Variants in EXOC3L4 observed in about 807,000 individuals in gnomAD.
The protein encoded by EXOC3L4 is exocyst complex component 3-like protein 4.
Under a neutral mutation model 69.7 loss-of-function variants are expected in EXOC3L4, and 62 were observed. The observed-to-expected ratio is 0.89, with a 90% CI of 0.72 to 1.10. The LOEUF is 1.10. Among genes scored for constraint, EXOC3L4 ranks in the 50% least tolerant of loss-of-function variants. The pLI is 0.00. For synonymous variants in EXOC3L4, 502 were observed against 464.2 expected, an observed-to-expected ratio of 1.08 and a Z score of -1.05; for missense variants, 1,087 against 1,034.8, an observed-to-expected ratio of 1.05 and a Z score of -0.69.
rs1889943065 is a variant in EXOC3L4 at position 103,097,425 on chromosome 14, G to C, written c.-17+2585G>C. Among the ~76,000 whole-genome samples the C allele has an allele frequency of 1.3e-5, 2 of 152,298 alleles. No homozygotes were observed. Among genetic ancestry groups the C allele is most frequent in the South Asian group, 4.1e-4 (2 of 4,830 alleles). ...AGAGAGCCAGAGAGAGTCCATGGGG[G>C]TGTGGGGAGGCAGGCACAGGGACAG... On this transcript the variant is annotated intron_variant, in intron 1 of 11. Coordinates refer to ENST00000688303, the MANE Select transcript of EXOC3L4 (RefSeq NM_001077594.2). This position sits in a 1 kb window ranked among gnomAD's most constrained non-coding sequence, Gnocchi z 4.9.
chr14:103,108,799 G>A (rs1042748433), intron 11 of EXOC3L4, among the ~76,000 whole-genome samples: 12 of 152,148 alleles, frequency 7.9e-5, no homozygotes, highest in Admixed American at 7.2e-4. Context: ...TGGGGAGAAA[G>A]CCCTCTCTGA....
intron 4 of EXOC3L4, 30 bp from the exon 5 acceptor site, chr14:103,104,237 C>G: frequency 1.3e-6 from 2 of 1,541,080 alleles, no homozygotes; most frequent in Non-Finnish European, 1.7e-6. Context: ...CTGGGAGGGT[C>G]TCACCACGGC....
Position 103,100,495 on chromosome 14 carries a change from TGAC to T in EXOC3L4, c.278_280del (p.Asp93del). The T allele has an allele frequency of 6.2e-7, 1 of 1,613,248 alleles. No homozygotes were observed. The highest frequency in any genetic ancestry group is 1.1e-5 in the South Asian group (1 of 90,994). The stretch of plus-strand genomic sequence containing the variant: ...TCCGGTCCTTCCGGCAAGCCCTGAA[TGAC>T]GGCCCAGCTACCGGCCATTCCCAGG... On this transcript the variant is annotated inframe_deletion, in exon 2 of 12. Transcript: ENST00000688303.
intron 1 of EXOC3L4, 156 bp from the exon 2 acceptor site, chr14:103,100,048 G>A (rs1007769571): frequency 3.0e-5 from 24 of 789,844 alleles, no homozygotes; most frequent in East Asian, 1.9e-4. Context: ...GAGGGCTCTC[G>A]CCAAGAGAGT....
At chr14:103,100,143 CCCCACA>C (rs1890088532) in intron 1 of EXOC3L4, 55 bp from the exon 2 acceptor site, 1 of 1,446,170 alleles carries the variant, frequency 6.9e-7, no homozygotes, top group African/African-American at 1.4e-5. Context: ...TGTGGCCAGG[CCCCACA>C]GGGCCACAAC....
At position 103,107,539 on chromosome 14, in the gene EXOC3L4, C is replaced by T. The variant is rs1379725199; in HGVS notation, c.1697C>T (p.Ala566Val). The T allele has an allele frequency of 6.2e-7, 1 of 1,613,566 alleles. No homozygotes were observed. The highest frequency in any genetic ancestry group is 8.5e-7 in the Non-Finnish European group (1 of 1,179,962). Residue 566 changes from alanine to valine, a missense_variant, in exon 9 of 12, where the codon GCA becomes GTA. By Grantham distance (64) the Ala-to-Val change is moderately conservative. Transcript: ENST00000688303. ...GHLQRVARPRAQETLQEVHRF... is the reference protein window; with the variant it reads ...GHLQRVARPRVQETLQEVHRF... ...CTCCAGCGTGTGGCCCGGCCGCGGG[C>T]ACAGGTACCACAAGGGGGAGGGCCC...
Position 103,102,619 on chromosome 14 carries a change from C to A in EXOC3L4, c.896C>A (p.Pro299His). 1 of 1,500,100 alleles carries A rather than the reference C, an allele frequency of 6.7e-7. No homozygotes were observed. 92.9% of individuals were successfully genotyped at this position (1,500,100 alleles called of 1,614,324 possible). A position where few individuals can be genotyped will look rare whatever the true frequency, so the allele number is the denominator to read the frequency against. ...CAGAAGGTGCGGCAGGAGGTGCAGC[C>A]CGCGTATGCGGCGGCCGGCTTCCCA... ...DLQKVRQEVQ[P>H]AYAAAGFPAW... The change falls in exon 3 of 12, where the codon CCC (proline) becomes CAC (histidine). Residue 299 changes from proline (P) to histidine (H), a missense_variant. Transcript: ENST00000688303.
chr14:103,097,472 G>A lies in EXOC3L4; in HGVS notation c.-17+2632G>A, dbSNP rs1020630024. Among the ~76,000 whole-genome samples the A allele has an allele frequency of 6.6e-6, 1 of 152,178 alleles. No individual in the cohort carries two copies. The highest frequency in any genetic ancestry group is 1.5e-5 in the Non-Finnish European group (1 of 68,014). On this transcript the variant is annotated intron_variant, in intron 1 of 11. Coordinates refer to ENST00000688303, the MANE Select transcript of EXOC3L4 (RefSeq NM_001077594.2). This position sits in a 1 kb window ranked among gnomAD's most constrained non-coding sequence, Gnocchi z 4.9. ...ACAGGCCAGGCGAGAGCCTTGGGAG[G>A]TGGAGGGGGGAGTTGAGAGGGGCCT...
At chr14:103,104,160 T>C in intron 4 of EXOC3L4, 107 bp from the exon 5 acceptor site, 1 of 1,446,876 alleles carries the variant, frequency 6.9e-7, no homozygotes, top group Non-Finnish European at 9.1e-7. Context: ...TGGTTCACCC[T>C]GTGGCCCCCG....
In EXOC3L4 at chr14:103,102,437, G is replaced by A. The variant is rs769966284; in HGVS notation, c.714G>A (p.Pro238=). The part of the protein sequence containing the change: ...PPDDGDFLRT[P]RRWRQHWEEA... ...ACGACGGCGACTTCCTGCGCACGCC[G>A]CGCCGCTGGCGCCAGCACTGGGAGG... Residue 238 remains proline (P), a synonymous_variant, in exon 3 of 12, where the codon CCG becomes CCA. Transcript: ENST00000688303. 4.0e-6 allele frequency: 6 copies of A among 1,508,592 alleles called. No homozygotes were observed. The highest frequency in any genetic ancestry group is 5.3e-6 in the Non-Finnish European group (6 of 1,137,278). The allele number at this position is 1,508,592 out of a possible 1,614,324, so 93.5% of individuals were successfully genotyped here. A position where few individuals can be genotyped will look rare whatever the true frequency, so the allele number is the denominator to read the frequency against.
chr14:103,100,499 GGCCCA>G lies in EXOC3L4; in HGVS notation c.283_287del (p.Pro95TyrfsTer9). 2 of 1,613,034 alleles carry G rather than the reference GGCCCA, an allele frequency of 1.2e-6. No individual in the cohort carries two copies. Among genetic ancestry groups the G allele is most frequent in the Non-Finnish European group, 1.7e-6 (2 of 1,179,874 alleles). On this transcript the variant is annotated frameshift_variant, in exon 2 of 12. Coordinates refer to ENST00000688303, the MANE Select transcript of EXOC3L4 (RefSeq NM_001077594.2). LOFTEE classifies it high-confidence loss of function. The stretch of plus-strand genomic sequence containing the variant: ...GTCCTTCCGGCAAGCCCTGAATGAC[GGCCCA>G]GCTACCGGCCATTCCCAGGCCACTC...
Position 103,104,302 on chromosome 14 carries a change from G to A in EXOC3L4, c.1197G>A (p.Gln399=). ...CAAGCTGCTTCGACAGCATCTTGCA[G>A]CTGGAGCAGAGTCACTGGGCGGCCG... ...KIASCFDSIL[Q]LEQSHWAAAE... Residue 399 remains glutamine, a synonymous_variant, in exon 5 of 12, where the codon CAG becomes CAA. Coordinates refer to ENST00000688303, the MANE Select transcript of EXOC3L4 (RefSeq NM_001077594.2). 6.3e-7 allele frequency: 1 copy of A among 1,596,604 alleles called. No individual in the cohort carries two copies. The highest frequency in any genetic ancestry group is 1.3e-5 in the African/African-American group (1 of 74,168).
rs1310276028 is a variant in EXOC3L4 at position 103,110,023 on chromosome 14, C to T, written c.1977-8C>T. 3.2e-6 allele frequency: 5 copies of T among 1,585,134 alleles called. No homozygotes were observed. Among genetic ancestry groups the T allele is most frequent in the Non-Finnish European group, 4.3e-6 (5 of 1,167,514 alleles). The stretch of plus-strand genomic sequence containing the variant: ...AGGTCTGCAGTGAGTGCCCGCATGT[C>T]TCTGCAGGCGGGACCACATACTGGC... On this transcript the variant is annotated splice_region_variant and splice_polypyrimidine_tract_variant and intron_variant, in intron 11 of 11. Transcript: ENST00000688303.
At chr14:103,100,761 G>T (rs1595238033) in intron 2 of EXOC3L4, 148 bp downstream of exon 2, 2 of 1,138,776 alleles carry the variant, frequency 1.8e-6, no homozygotes, top group South Asian at 3.3e-5. Context: ...TTGAGACAGG[G>T]TCTCCACTCT....
intron 3 of EXOC3L4, 133 bp from the exon 4 acceptor site, chr14:103,103,808 G>GTC: frequency 1.7e-6 from 1 of 603,038 alleles, no homozygotes; most frequent in Non-Finnish European, 2.9e-6. Flanking sequence ...GTGTGTGTGT[G>GTC]TGTGTGTGTG....
At chr14:103,103,503 C>G (rs1890340373) in intron 3 of EXOC3L4, 1 of 164,234 alleles carries the variant, frequency 6.1e-6, no homozygotes, top group South Asian at 1.6e-4. Flanking sequence ...TTGCCTTCCC[C>G]GCGGAGCGGT....
Position 103,108,507 on chromosome 14 carries a change from C to A in EXOC3L4, c.1966C>A (p.Pro656Thr). Reference sequence around the variant, plus strand: ...CCTGGAGACTCTTATCCGGAGCTACCCCGACATCAGGTGTGTACCCCACCT... The same window carrying A: ...CCTGGAGACTCTTATCCGGAGCTACACCGACATCAGGTGTGTACCCCACCT... ...RHLETLIRSY[P>T]DIRRDHILAI... The change falls in exon 11 of 12, where the codon CCC (proline) becomes ACC (threonine). Residue 656 changes from proline to threonine, a missense_variant. By Grantham distance (38) the Pro-to-Thr change is conservative. Transcript: ENST00000688303. 6.2e-7 allele frequency: 1 copy of A among 1,613,522 alleles called. No individual in the cohort carries two copies. Among genetic ancestry groups the A allele is most frequent in the African/African-American group, 1.3e-5 (1 of 75,004 alleles).
rs1013483154 is a variant in EXOC3L4, at chr14:103,104,339, G to A, written c.1234G>A (p.Glu412Lys). The change falls in exon 5 of 12, where the codon GAG becomes AAG. Residue 412 changes from glutamate to lysine, a missense_variant. By Grantham distance (56) the Glu-to-Lys change is moderately conservative. Coordinates refer to ENST00000688303, the MANE Select transcript of EXOC3L4 (RefSeq NM_001077594.2). ...TCACTGGGCGGCCGCCGAGGTCCCC[G>A]AGGTGCTGCAGGGCCTCTACCAGGC... is the stretch of plus-strand genomic sequence containing the variant. ...QSHWAAAEVP[E>K]VLQGLYQAPL... The A allele has an allele frequency of 1.3e-6, 2 of 1,592,058 alleles. No individual in the cohort carries two copies. The highest frequency in any genetic ancestry group is 3.5e-5 in the Admixed American group (2 of 57,760).
At chr14:103,099,449 G>A (rs1471618166) in intron 1 of EXOC3L4, among the ~76,000 whole-genome samples, 1 of 152,220 alleles carries the variant, frequency 6.6e-6, no homozygotes, top group African/African-American at 2.4e-5. Context: ...GGTGGAGAGG[G>A]AGAGGAGTGG....
Sources: allele counts gnomAD v4.1 joint callset (sites outside exome capture counted in the v4.1 genomes callset), GRCh38; gene constraint gnomAD v4.1.1; non-coding constraint Gnocchi (gnomAD v3.1); transcripts MANE v1.5; gene names NCBI Gene and HGNC (gene_info 2026-07-23, HGNC 2026-07-21).